Variants in RNF115 observed in about 807,000 individuals in gnomAD.
RNF115 encodes ring finger protein 115, also known as E3 ubiquitin-protein ligase RNF115.
A neutral mutation model predicts 39.2 loss-of-function variants in RNF115; 31 were observed. The observed-to-expected ratio is 0.79, with a 90% CI of 0.59 to 1.07. The LOEUF is 1.07. Among genes scored for constraint, RNF115 ranks in the 50% least tolerant of loss-of-function variants. The pLI, the probability that RNF115 is intolerant of heterozygous loss-of-function variation, is 0.00. For synonymous variants in RNF115, 124 were observed against 131.0 expected, an observed-to-expected ratio of 0.95 and a Z score of 0.37; for missense variants, 384 against 381.7, an observed-to-expected ratio of 1.01 and a Z score of -0.05.
intron 3 of RNF115, among the ~76,000 whole-genome samples, chr1:145,776,174 T>C (rs1647878479): frequency 6.7e-6 from 1 of 148,348 alleles, no homozygotes; most frequent in Non-Finnish European, 1.5e-5. Context: ...ATTTTTTTTT[T>C]TTTTTTTTGA....
chr1:145,794,138 C>T (rs1162028724), intron 1 of RNF115, among the ~76,000 whole-genome samples: 1 of 152,214 alleles, frequency 6.6e-6, no homozygotes, highest in Non-Finnish European at 1.5e-5. Flanking sequence ...GCCACCACGC[C>T]CAGCCCGAAT....
rs1374248909 is a variant in RNF115, at chr1:145,747,954, C to T, written c.783+41G>A. ...AGGAACTGTTAACTATACCTTTACT[C>T]TGAATCATCCCCCAAAGAAGCCATG... On this transcript the variant is annotated intron_variant, in intron 8 of 8. Coordinates refer to ENST00000582693, the MANE Select transcript of RNF115 (RefSeq NM_014455.4). 6 of 1,313,128 alleles carry T rather than the reference C, an allele frequency of 4.6e-6. No individual in the cohort carries two copies. The African/African-American group carries it at 7.3e-5, about 16-fold the overall frequency. The allele number at this position is 1,313,128 out of a possible 1,614,324, so 81.3% of individuals were successfully genotyped here.
At position 145,746,672 on chromosome 1, in the gene RNF115, C is replaced by A; in HGVS notation, c.*194G>T. The A allele has an allele frequency of 1.8e-6, 1 of 553,598 alleles. No homozygotes were observed. The highest frequency in any genetic ancestry group is 2.7e-5 in the South Asian group (1 of 36,542). 34.3% of individuals were successfully genotyped at this position (553,598 alleles called of 1,614,324 possible). ...TCACTCTGAATTCAGGGATAAGAGGCATTTGGTTGTAGATACAATTCCATC... is the reference window on the plus strand; with the variant it reads ...TCACTCTGAATTCAGGGATAAGAGGAATTTGGTTGTAGATACAATTCCATC... On this transcript the variant is annotated 3_prime_UTR_variant, in exon 9 of 9. Coordinates refer to ENST00000582693, the MANE Select transcript of RNF115 (RefSeq NM_014455.4).
chr1:145,768,002 G>C (rs1647454041), intron 4 of RNF115, among the ~76,000 whole-genome samples: 1 of 152,088 alleles, frequency 6.6e-6, no homozygotes, highest in African/African-American at 2.4e-5. Flanking sequence ...TGGGGAGAGG[G>C]AGAGGGAGAG....
intron 7 of RNF115, among the ~76,000 whole-genome samples, chr1:145,749,578 TATG>T (rs1658000582): frequency 6.6e-6 from 1 of 152,190 alleles, no homozygotes; most frequent in Admixed American, 6.5e-5. Flanking sequence ...TTCATCCCAT[TATG>T]CAATGAGTGA....
At chr1:145,812,382 G>GC (rs1437207741) in intron 1 of RNF115, among the ~76,000 whole-genome samples, 1 of 150,668 alleles carries the variant, frequency 6.6e-6, no homozygotes. Flanking sequence ...GTCTGGCCAG[G>GC]CGTGGTGGCT....
At chr1:145,809,183 ATT>A (rs71077279) in intron 1 of RNF115, among the ~76,000 whole-genome samples, 1,489 of 133,914 alleles carry the variant, frequency 0.011, 11 homozygotes, top group African/African-American at 0.03. Flanking sequence ...GTTTTCAAGG[ATT>A]TTTTTTTTTT....
At chr1:145,756,626 G>A (rs1658303602) in intron 4 of RNF115, among the ~76,000 whole-genome samples, 1 of 152,004 alleles carries the variant, frequency 6.6e-6, no homozygotes, top group African/African-American at 2.4e-5. Context: ...GAATTTATTC[G>A]TTCACTGATG....
chr1:145,798,105 A>G (rs1649065098), intron 1 of RNF115, among the ~76,000 whole-genome samples: 1 of 152,144 alleles, frequency 6.6e-6, no homozygotes, highest in African/African-American at 2.4e-5. Flanking sequence ...TGCCTTTTCA[A>G]GTTGATTGTG....
At chr1:145,764,617 T>C (rs1553714432) in intron 4 of RNF115, among the ~76,000 whole-genome samples, 36 of 147,252 alleles carry the variant, frequency 2.4e-4, no homozygotes, top group Non-Finnish European at 4.5e-5. Context: ...CCGCCCCGTC[T>C]GGGAAGTGAG....
In RNF115 at chr1:145,750,500, G is replaced by A; in HGVS notation, c.574C>T (p.Leu192Phe). 1 of 1,612,978 alleles carries A rather than the reference G, an allele frequency of 6.2e-7. No individual in the cohort carries two copies. The highest frequency in any genetic ancestry group is 8.5e-7 in the Non-Finnish European group (1 of 1,179,120). ...QTGLDAIVTQ[L>F]LGQLENTGPP... ...CCTGTGTTTTCCAGTTGTCCTAAAA[G>A]CTACAAAAAAAGAGAAAGAAAAAGA... Residue 192 changes from leucine (L) to phenylalanine (F), a missense_variant and splice_region_variant, in exon 7 of 9, where the codon CTT (leucine) becomes TTT (phenylalanine). By Grantham distance (22) the Leu-to-Phe change is conservative. Transcript: ENST00000582693.
At chr1:145,808,660 A>C (rs1192059944) in intron 1 of RNF115, among the ~76,000 whole-genome samples, 2 of 152,210 alleles carry the variant, frequency 1.3e-5, no homozygotes, top group African/African-American at 4.8e-5. Context: ...CATTATAAAT[A>C]GTTTTTGCAC....
chr1:145,782,972 G>A (rs960927457), intron 3 of RNF115, among the ~76,000 whole-genome samples: 4 of 152,212 alleles, frequency 2.6e-5, no homozygotes, highest in Admixed American at 6.5e-5. Context: ...AGCGATTCTC[G>A]TGTCTCAGCC....
chr1:145,773,036 A>G (rs1647710334), intron 3 of RNF115: 1 of 152,154 alleles, frequency 6.6e-6, no homozygotes, highest in Non-Finnish European at 1.5e-5. Context: ...CAGCTCCAAA[A>G]TTTCTCTTTG....
chr1:145,816,715 T>C (rs1277719043), intron 1 of RNF115, among the ~76,000 whole-genome samples: 1 of 148,048 alleles, frequency 6.8e-6, no homozygotes, highest in Non-Finnish European at 1.5e-5. Flanking sequence ...TCATAGATGA[T>C]GGGTTCTTTC....
At chr1:145,781,922 A>G (rs1425797503) in intron 3 of RNF115, among the ~76,000 whole-genome samples, 3 of 130,038 alleles carry the variant, frequency 2.3e-5, no homozygotes, top group East Asian at 2.2e-4. Flanking sequence ...TTTTTTGGAG[A>G]TAAGAGTTTC....
intron 1 of RNF115, among the ~76,000 whole-genome samples, chr1:145,794,488 C>A (rs1426080968): frequency 2.0e-5 from 3 of 146,980 alleles, no homozygotes; most frequent in African/African-American, 7.6e-5. Context: ...TGGCAAGGGG[C>A]ATCTAATCTC....
At chr1:145,794,064 G>A (rs1256124366) in intron 1 of RNF115, among the ~76,000 whole-genome samples, 6 of 151,912 alleles carry the variant, frequency 3.9e-5, no homozygotes, top group East Asian at 3.9e-4. Context: ...GGCTGGTCTC[G>A]AACTCCTGAC....
At chr1:145,820,177 A>AT (rs1314526139) in intron 1 of RNF115, among the ~76,000 whole-genome samples, 1 of 149,780 alleles carries the variant, frequency 6.7e-6, no homozygotes, top group African/African-American at 2.4e-5. Flanking sequence ...CAAATACCAC[A>AT]TATCAGGCCA....
Sources: gnomAD v4.1 joint callset for allele counts (sites outside exome capture counted in the v4.1 genomes callset) on GRCh38, gnomAD v4.1.1 for gene constraint, MANE v1.5 for transcripts, NCBI Gene and HGNC (gene_info 2026-07-23, HGNC 2026-07-21) for gene names.